Variants in MDN1 observed in about 807,000 individuals in gnomAD.
MDN1 encodes the protein midasin.
MDN1 carries 266 observed loss-of-function variants against 669.2 expected under a neutral mutation model. The observed-to-expected ratio is 0.40, with a 90% CI of 0.36 to 0.44. The LOEUF (loss-of-function observed/expected upper bound fraction) is 0.44, where lower values mean the gene tolerates loss of function less well. Ranked by LOEUF, MDN1 falls within the 20% of genes least tolerant of loss-of-function variation. The pLI is 1.00. For missense variants in MDN1, 5,940 were observed against 6,754.0 expected (o/e 0.88, Z 4.22); for synonymous variants, 2,385 against 2,457.1 (o/e 0.97, Z 0.87).
rs1554199819 is a variant in MDN1 at position 89,796,337 on chromosome 6, A to AAAC, written c.330-1537_330-1536insGTT. Among the ~76,000 whole-genome samples the AAAC allele has an allele frequency of 4.4e-4, 65 of 147,144 alleles. 1 individual carries two copies. The highest frequency in any genetic ancestry group is 1.0e-3 in the African/African-American group (41 of 39,776). On this transcript the variant is annotated intron_variant, in intron 2 of 101. Coordinates refer to ENST00000369393, the MANE Select transcript of MDN1 (RefSeq NM_014611.3). ...AAAACTCTGTCTCAAAAAAAAAAAAAAAAAAAAAAAAAACAAAAAAAAAAA... is the reference window on the plus strand; with the variant it reads ...AAAACTCTGTCTCAAAAAAAAAAAAAAACAAAAAAAAAAAAACAAAAAAAAAAA...
intron 1 of MDN1, among the ~76,000 whole-genome samples, chr6:89,803,886 T>TTTTC (rs1190661983): frequency 0.14 from 10,018 of 71,502 alleles, 1,128 homozygotes; most frequent in East Asian, 0.37. Context: ...CGGCCTTTTC[T>TTTTC]TTTCTTTTCT....
At chr6:89,690,925 A>G in intron 63 of MDN1, 91 bp from the exon 64 acceptor site, 1 of 1,417,720 alleles carries the variant, frequency 7.1e-7, no homozygotes, top group Non-Finnish European at 9.6e-7. Flanking sequence ...ATGAAAATGA[A>G]AGTATCATGA....
At chr6:89,660,456 T>C (rs1482565531) in intron 88 of MDN1, among the ~76,000 whole-genome samples, 1 of 152,110 alleles carries the variant, frequency 6.6e-6, no homozygotes, top group East Asian at 1.9e-4. Flanking sequence ...AGTGTTGGGA[T>C]TACAGACACA....
intron 17 of MDN1, among the ~76,000 whole-genome samples, chr6:89,760,433 G>T (rs1412100996): frequency 6.6e-6 from 1 of 152,106 alleles, no homozygotes. Context: ...GTCATCAATT[G>T]CATCTTTAAA....
Position 89,707,487 on chromosome 6 carries a change from A to T in MDN1, c.7899-11T>A. 6.5e-7 allele frequency: 1 copy of T among 1,528,330 alleles called. No homozygotes were observed. Among genetic ancestry groups the T allele is most frequent in the Non-Finnish European group, 9.1e-7 (1 of 1,102,184 alleles). 94.7% of individuals were successfully genotyped at this position (1,528,330 alleles called of 1,614,324 possible). ...AGATATATGATTGTCCTGGAATGAG[A>T]TTCAAAAAACGTAACAAATAGCTAT... On this transcript the variant is annotated splice_polypyrimidine_tract_variant and intron_variant, in intron 51 of 101. Coordinates refer to ENST00000369393, the MANE Select transcript of MDN1 (RefSeq NM_014611.3).
At position 89,656,087 on chromosome 6, in the gene MDN1, T is replaced by C. The variant is rs1012276031; in HGVS notation, c.15286-119A>G. 7.4e-6 allele frequency: 6 copies of C among 816,068 alleles called. No homozygotes were observed. In the Admixed American group the frequency reaches 1.7e-4, roughly 23 times the overall value. 50.6% of individuals were successfully genotyped at this position (816,068 alleles called of 1,614,324 possible). A position where few individuals can be genotyped will look rare whatever the true frequency, so the allele number is the denominator to read the frequency against. ...TAAATCAGGTGTAGCCATACAAGAA[T>C]GGAATTCAATACAGCTATTAAAAAG... On this transcript the variant is annotated intron_variant, in intron 91 of 101. Transcript: ENST00000369393.
chr6:89,708,082 A>C (rs933728479), intron 51 of MDN1, among the ~76,000 whole-genome samples: 6 of 152,146 alleles, frequency 3.9e-5, no homozygotes, highest in African/African-American at 1.4e-4. Flanking sequence ...CAGGTGGATC[A>C]CTTGAGCTTA....
intron 33 of MDN1, among the ~76,000 whole-genome samples, chr6:89,734,691 AAGAG>A (rs1554188772): frequency 1.2e-4 from 14 of 112,996 alleles, no homozygotes; most frequent in South Asian, 5.8e-4. Flanking sequence ...AAAAAAAAAC[AAGAG>A]AGAGAGAGAG....
At chr6:89,772,447 G>T in intron 14 of MDN1, 126 bp downstream of exon 14, 1 of 986,956 alleles carries the variant, frequency 1.0e-6, no homozygotes, top group South Asian at 1.9e-5. Context: ...TTTCCAGGCA[G>T]AGATTACATG....
In MDN1 at chr6:89,642,628, T is replaced by A. The variant is rs1808237738; in HGVS notation, c.*1377A>T. 6.6e-6 allele frequency: 1 copy of A among 152,176 alleles called. No homozygotes were observed. Among genetic ancestry groups the A allele is most frequent in the African/African-American group, 2.4e-5 (1 of 41,440 alleles). 9.4% of individuals were successfully genotyped at this position (152,176 alleles called of 1,614,324 possible). On this transcript the variant is annotated 3_prime_UTR_variant, in exon 102 of 102. Coordinates refer to ENST00000369393, the MANE Select transcript of MDN1 (RefSeq NM_014611.3). Reference sequence around the variant, plus strand: ...TGGACATAAATGCAAATGATAACCTTTGTAGTAAGAGCAACATGGAAGTAG... The same window carrying A: ...TGGACATAAATGCAAATGATAACCTATGTAGTAAGAGCAACATGGAAGTAG...
chr6:89,686,870 A>C (rs1470573121), intron 69 of MDN1, 32 bp downstream of exon 69: 59 of 1,611,178 alleles, frequency 3.7e-5, no homozygotes, highest in Non-Finnish European at 4.8e-5. Context: ...GGGAAGCTCT[A>C]AGTGGGCAGG....
At chr6:89,817,440 A>G (rs886220385) in intron 1 of MDN1, among the ~76,000 whole-genome samples, 2 of 152,204 alleles carry the variant, frequency 1.3e-5, no homozygotes, top group Non-Finnish European at 2.9e-5. Context: ...TTCTCTGGAC[A>G]TACTCTCAAT....
intron 75 of MDN1, among the ~76,000 whole-genome samples, chr6:89,678,001 C>T (rs1293977204): frequency 1.3e-5 from 2 of 152,220 alleles, no homozygotes; most frequent in African/African-American, 2.4e-5. Flanking sequence ...CTGCCAGGCA[C>T]GGTGGCTCAC....
rs144987308 is a variant in MDN1, at chr6:89,734,023, G to A, written c.4724-1248C>T. Reference sequence around the variant, plus strand: ...ATAAAGGCCAGGCACGGTGGCTCATGCCTGTAATACCAGCACTTTGAGAGG... The same window carrying A: ...ATAAAGGCCAGGCACGGTGGCTCATACCTGTAATACCAGCACTTTGAGAGG... On this transcript the variant is annotated intron_variant, in intron 33 of 101. Coordinates refer to ENST00000369393, the MANE Select transcript of MDN1 (RefSeq NM_014611.3). 5.2e-3 allele frequency among the ~76,000 whole-genome samples: 785 copies of A among 151,140 alleles called. 31 individuals carry two copies. Among genetic ancestry groups the A allele is most frequent in the Admixed American group, 0.049 (744 of 15,220 alleles).
chr6:89,661,403 C>G, intron 88 of MDN1, 28 bp downstream of exon 88: 1 of 1,604,568 alleles, frequency 6.2e-7, no homozygotes, highest in Non-Finnish European at 8.5e-7. Flanking sequence ...TGAGTTCTAA[C>G]CGGTCTCTTT....
Position 89,702,034 on chromosome 6 carries a change from G to T in MDN1, c.8176C>A (p.Arg2726=). 2 of 1,608,302 alleles carry T rather than the reference G, an allele frequency of 1.2e-6. No homozygotes were observed. The highest frequency in any genetic ancestry group is 1.7e-6 in the Non-Finnish European group (2 of 1,177,334). ...EILGSLRWRD[R]FWTVADTVKV... ...ACTGTGTCGGCCACAGTCCAGAACCGGTCCCGCCACCGCAGAGAACCTAAG... is the reference window on the plus strand; with the variant it reads ...ACTGTGTCGGCCACAGTCCAGAACCTGTCCCGCCACCGCAGAGAACCTAAG... Residue 2726 remains arginine (R), a synonymous_variant, in exon 54 of 102, where the codon CGG becomes AGG. Transcript: ENST00000369393.
intron 11 of MDN1, among the ~76,000 whole-genome samples, chr6:89,779,097 T>C (rs1043284260): frequency 1.5e-4 from 23 of 151,968 alleles, no homozygotes; most frequent in African/African-American, 5.6e-4. Context: ...ATACCTGATA[T>C]TTCATAAAGG....
chr6:89,680,062 C>T (rs1308794775), intron 74 of MDN1, among the ~76,000 whole-genome samples: 1 of 152,218 alleles, frequency 6.6e-6, no homozygotes, highest in Non-Finnish European at 1.5e-5. Context: ...AGGAGGTAGT[C>T]AGAGGCTGCC....
chr6:89,811,238 C>A (rs1170547215), intron 1 of MDN1, among the ~76,000 whole-genome samples: 1 of 152,014 alleles, frequency 6.6e-6, no homozygotes, highest in African/African-American at 2.4e-5. Flanking sequence ...AAATGCCAGG[C>A]CTGCAAGAAA....
Sources: gnomAD v4.1 joint callset for allele counts (sites outside exome capture counted in the v4.1 genomes callset) on GRCh38, gnomAD v4.1.1 for gene constraint, MANE v1.5 for transcripts, NCBI Gene and HGNC (gene_info 2026-07-23, HGNC 2026-07-21) for gene names.